Variants in CA5A observed in about 807,000 individuals in gnomAD.
CA5A encodes carbonic anhydrase 5A, mitochondrial.
A neutral mutation model predicts 37.1 loss-of-function variants in CA5A; 28 were observed. That is an observed-to-expected ratio of 0.75 (90% CI 0.56 to 1.03). CA5A has a LOEUF of 1.03. CA5A is among the 50% of genes least tolerant of loss of function. The pLI, the probability that CA5A is intolerant of heterozygous loss-of-function variation, is 0.00. For synonymous variants in CA5A, 171 were observed against 158.4 expected (o/e 1.08, Z -0.60); for missense variants, 444 against 399.9 (o/e 1.11, Z -0.94).
rs1336420806 is a variant in CA5A at position 87,888,093 on chromosome 16, A to C, written c.*36T>G. On this transcript the variant is annotated 3_prime_UTR_variant, in exon 7 of 7. Transcript: ENST00000649794. ...TTGGGAAACAACGCTTCCTTCCTTC[A>C]AAGTCAGTTCTGCTATTCATGTGGA... 2 of 1,546,316 alleles carry C rather than the reference A, an allele frequency of 1.3e-6. No homozygotes were observed. The highest frequency in any genetic ancestry group is 1.4e-5 in the African/African-American group (1 of 72,488).
At chr16:87,906,234 C>CGTGTCACCCGCCTTGCTA (rs2055959341) in intron 2 of CA5A, among the ~76,000 whole-genome samples, 1 of 150,690 alleles carries the variant, frequency 6.6e-6, no homozygotes. Context: ...GGAGGAGCCT[C>CGTGTCACCCGCCTTGCTA]ATGTCACCTC....
At chr16:87,912,074 G>C (rs1417819719) in intron 2 of CA5A, among the ~76,000 whole-genome samples, 1 of 152,134 alleles carries the variant, frequency 6.6e-6, no homozygotes, top group Non-Finnish European at 1.5e-5. Context: ...GGCTGAGGCG[G>C]GCAGATCACT....
intron 5 of CA5A, among the ~76,000 whole-genome samples, chr16:87,894,106 G>T (rs1162741023): frequency 6.6e-6 from 1 of 152,106 alleles, no homozygotes; most frequent in Non-Finnish European, 1.5e-5. Flanking sequence ...TGAATCATAG[G>T]GTAGTTCTAT....
chr16:87,891,373 C>T (rs1234277819), intron 6 of CA5A, among the ~76,000 whole-genome samples: 1 of 150,878 alleles, frequency 6.6e-6, no homozygotes, highest in Non-Finnish European at 1.5e-5. Context: ...GAGGCTGAGG[C>T]AGGAGAATCG....
At chr16:87,889,424 A>C (rs1243029819) in intron 6 of CA5A, among the ~76,000 whole-genome samples, 2 of 152,224 alleles carry the variant, frequency 1.3e-5, no homozygotes, top group Admixed American at 1.3e-4. Context: ...ACTAACACCT[A>C]TAATGTAAAT....
chr16:87,916,050 A>AG lies in CA5A; in HGVS notation c.340+10697dup, dbSNP rs539692495. ...AGAGACAGAATGAGAACCAAGCAAA[A>AG]GGGGTTACTCGGGAGCCTGCGGCAG... On this transcript the variant is annotated intron_variant, in intron 2 of 6. Transcript: ENST00000649794. 1.1e-4 allele frequency among the ~76,000 whole-genome samples: 17 copies of AG among 151,644 alleles called. No individual in the cohort carries two copies. In the South Asian group the frequency reaches 3.6e-3, roughly 32 times the overall value.
chr16:87,935,702 C>A (rs1013350677), intron 1 of CA5A, among the ~76,000 whole-genome samples: 3 of 151,898 alleles, frequency 2.0e-5, no homozygotes, highest in Non-Finnish European at 4.4e-5. Flanking sequence ...ATGGTGAAAC[C>A]CCATCTCTAC....
chr16:87,918,913 C>T (rs897220579), intron 2 of CA5A, among the ~76,000 whole-genome samples: 14 of 152,020 alleles, frequency 9.2e-5, no homozygotes, highest in African/African-American at 2.9e-4. Context: ...GGGAGGGGAC[C>T]GGGAGCACGT....
chr16:87,887,276 TG>T (rs1231200849), downstream of CA5A: 1 of 152,186 alleles, frequency 6.6e-6, no homozygotes, highest in Non-Finnish European at 1.5e-5. Context: ...AGATTATTTT[TG>T]GTTGTATTTT....
intron 1 of CA5A, among the ~76,000 whole-genome samples, chr16:87,932,857 C>T (rs918929376): frequency 2.0e-5 from 3 of 152,286 alleles, no homozygotes; most frequent in East Asian, 3.9e-4. Context: ...AGGAGCTATC[C>T]CCTCCCCCAT....
At chr16:87,924,617 G>A (rs2056277007) in intron 2 of CA5A, among the ~76,000 whole-genome samples, 1 of 152,358 alleles carries the variant, frequency 6.6e-6, no homozygotes, top group African/African-American at 2.4e-5. Flanking sequence ...AGATTTAAGT[G>A]GCTGAAATGC....
chr16:87,929,789 G>C (rs904973138), intron 1 of CA5A, among the ~76,000 whole-genome samples: 3 of 146,692 alleles, frequency 2.0e-5, no homozygotes, highest in Admixed American at 6.9e-5. Flanking sequence ...GCAGAATGGC[G>C]TGAGCCCGGG....
chr16:87,891,127 T>C (rs1369393980), intron 6 of CA5A, among the ~76,000 whole-genome samples: 1 of 145,196 alleles, frequency 6.9e-6, no homozygotes, highest in East Asian at 2.0e-4. Context: ...TATACAAATA[T>C]TATTAATTAA....
intron 2 of CA5A, among the ~76,000 whole-genome samples, chr16:87,910,203 A>G (rs368807446): frequency 1.3e-5 from 2 of 152,202 alleles, no homozygotes; most frequent in African/African-American, 4.8e-5. Flanking sequence ...CCCGGGCACC[A>G]CGCATCCTGT....
chr16:87,924,234 C>T (rs959217137), intron 2 of CA5A: 1 of 985,336 alleles, frequency 1.0e-6, no homozygotes, highest in African/African-American at 1.7e-5. Flanking sequence ...GCTGCTGGCA[C>T]TCAGCAAGCC....
intron 6 of CA5A, among the ~76,000 whole-genome samples, chr16:87,890,366 T>A (rs1302629756): frequency 2.0e-5 from 3 of 152,124 alleles, no homozygotes; most frequent in Non-Finnish European, 2.9e-5. Flanking sequence ...ACAAAAGCCT[T>A]CCCCGTTTGT....
chr16:87,887,007 A>G (rs1028547699), downstream of CA5A: 4 of 152,124 alleles, frequency 2.6e-5, no homozygotes, highest in African/African-American at 9.7e-5. Flanking sequence ...GGTTCAAGCG[A>G]TTCTCCTGCC....
intron 1 of CA5A, among the ~76,000 whole-genome samples, chr16:87,930,735 AT>A (rs68126628): frequency 0.63 from 84,409 of 134,428 alleles, 26,183 homozygotes; most frequent in African/African-American, 0.75. Flanking sequence ...CTTTGGATCT[AT>A]TTTTTTTTTT....
At chr16:87,929,751 A>G (rs2056372212) in intron 1 of CA5A, among the ~76,000 whole-genome samples, 1 of 151,438 alleles carries the variant, frequency 6.6e-6, no homozygotes. Context: ...GGGCGCCTGT[A>G]GTCCCAGCTA....
Sources: allele counts gnomAD v4.1 joint callset (sites outside exome capture counted in the v4.1 genomes callset), GRCh38; gene constraint gnomAD v4.1.1; transcripts MANE v1.5; gene names NCBI Gene and HGNC (gene_info 2026-07-23, HGNC 2026-07-21).